The following NIPA2 variants were observed in gnomAD, a reference collection of about 807,000 sequenced individuals.
NIPA2 encodes the protein magnesium transporter NIPA2.
A neutral mutation model predicts 29.7 loss-of-function variants in NIPA2; 11 were observed. The observed-to-expected ratio is 0.37, with a 90% confidence interval of 0.23 to 0.61. The LOEUF (loss-of-function observed/expected upper bound fraction) is 0.61. Among genes scored for constraint, NIPA2 ranks in the 20% least tolerant of loss-of-function variants. The pLI, the probability that NIPA2 is intolerant of heterozygous loss-of-function variation, is 0.66. For missense variants in NIPA2, 426 were observed against 437.9 expected (o/e 0.97, Z 0.24); for synonymous variants, 183 against 161.9 (o/e 1.13, Z -0.99).
Position 22,866,962 on chromosome 15 carries a change from A to AAAG in NIPA2, c.*117_*119dup, listed in dbSNP as rs1202290474. On this transcript the variant is annotated 3_prime_UTR_variant, in exon 8 of 8. Coordinates refer to ENST00000337451, the MANE Select transcript of NIPA2 (RefSeq NM_030922.7). ...AATGTTCTTTAAAGGCAATCTTTTT[A>AAAG]AAGATTTCACTAATTTGGACCAAGA... 3.8e-6 allele frequency: 4 copies of AAAG among 1,051,380 alleles called. No homozygotes were observed. The highest frequency in any genetic ancestry group is 2.5e-5 in the East Asian group (1 of 40,704). The allele number at this position is 1,051,380 out of a possible 1,614,324, so 65.1% of individuals were successfully genotyped here. A position where few individuals can be genotyped will look rare whatever the true frequency, so the allele number is the denominator to read the frequency against.
rs1566839771 is a variant in NIPA2, at chr15:22,852,467, T to TGAAAAAAAA, written c.139+597_139+598insGAAAAAAAA. Among the ~76,000 whole-genome samples, 3 of 131,010 alleles carry TGAAAAAAAA rather than the reference T, an allele frequency of 2.3e-5. 1 individual carries two copies. In the East Asian group the frequency reaches 6.7e-4, roughly 29 times the overall value. 85.9% of individuals were successfully genotyped at this position (131,010 alleles called of 152,430 possible). A position where few individuals can be genotyped will look rare whatever the true frequency, so the allele number is the denominator to read the frequency against. On this transcript the variant is annotated intron_variant, in intron 4 of 7. Coordinates refer to ENST00000337451, the MANE Select transcript of NIPA2 (RefSeq NM_030922.7). Reference sequence around the variant, plus strand: ...CTGGGTGACAGAGTGAGACTCCGTCTAAAAAAAAAAAAAAGCCATGGTTAA... The same window carrying TGAAAAAAAA: ...CTGGGTGACAGAGTGAGACTCCGTCTGAAAAAAAAAAAAAAAAAAAAAAGCCATGGTTAA...
chr15:22,843,772 T>A (rs1159702584), intron 2 of NIPA2, among the ~76,000 whole-genome samples: 1 of 151,946 alleles, frequency 6.6e-6, no homozygotes, highest in Non-Finnish European at 1.5e-5. Flanking sequence ...TTCCTTAGCC[T>A]CACCAGTAGC....
At chr15:22,861,700 C>CT (rs2058632121) in intron 7 of NIPA2, among the ~76,000 whole-genome samples, 1 of 152,028 alleles carries the variant, frequency 6.6e-6, no homozygotes, top group East Asian at 1.9e-4. Context: ...ACTGACATGC[C>CT]TAGAGATGGG....
chr15:22,846,840 A>AATTATTATTATTATT (rs66795943), intron 3 of NIPA2, among the ~76,000 whole-genome samples: 6 of 134,994 alleles, frequency 4.4e-5, no homozygotes, highest in Non-Finnish European at 6.2e-5. Flanking sequence ...TAATAATAAT[A>AATTATTATTATTATT]ATTATTATTA....
At chr15:22,850,033 A>G (rs1595315044) in intron 3 of NIPA2, among the ~76,000 whole-genome samples, 3 of 152,144 alleles carry the variant, frequency 2.0e-5, no homozygotes, top group African/African-American at 7.2e-5. Flanking sequence ...TAATACAATG[A>G]GTCCCTGTGT....
intron 7 of NIPA2, among the ~76,000 whole-genome samples, chr15:22,865,447 C>CT (rs1489120725): frequency 6.6e-6 from 1 of 151,716 alleles, no homozygotes; most frequent in Non-Finnish European, 1.5e-5. Context: ...GATCGCACCA[C>CT]TGCACTCCAG....
chr15:22,859,799 A>G (rs1566859017), intron 6 of NIPA2, among the ~76,000 whole-genome samples: 1 of 152,136 alleles, frequency 6.6e-6, no homozygotes, highest in Non-Finnish European at 1.5e-5. Context: ...GTTATGGTAT[A>G]AGTCATTGCC....
At chr15:22,858,673 A>C (rs769647339) in intron 6 of NIPA2, 43 bp downstream of exon 6, 2 of 1,218,692 alleles carry the variant, frequency 1.6e-6, no homozygotes, top group South Asian at 2.9e-5. Flanking sequence ...TCGGTATCTT[A>C]GTTTCTAAAA....
chr15:22,852,968 C>G (rs1047189294), intron 4 of NIPA2, among the ~76,000 whole-genome samples: 3 of 152,134 alleles, frequency 2.0e-5, no homozygotes, highest in African/African-American at 7.2e-5. Context: ...ACTGCTTGTT[C>G]CCCTAGTCCC....
chr15:22,844,887 C>T (rs1436572482), intron 2 of NIPA2, among the ~76,000 whole-genome samples: 1 of 152,114 alleles, frequency 6.6e-6, no homozygotes, highest in Non-Finnish European at 1.5e-5. Flanking sequence ...TTCTCTTAGT[C>T]GTGGAGTCCT....
rs35358046 is a variant in NIPA2, at chr15:22,868,364, A to ATAAT, written c.*1518_*1521dup. 2 of 151,970 alleles carry ATAAT rather than the reference A, an allele frequency of 1.3e-5. No homozygotes were observed. The highest frequency in any genetic ancestry group is 2.9e-5 in the Non-Finnish European group (2 of 68,024). The allele number at this position is 151,970 out of a possible 1,614,324, so 9.4% of individuals were successfully genotyped here. On this transcript the variant is annotated 3_prime_UTR_variant, in exon 8 of 8. Coordinates refer to ENST00000337451, the MANE Select transcript of NIPA2 (RefSeq NM_030922.7). ...CATTTGAACATGCATAGGTTAATAA[A>ATAAT]TAATAAATTCTTATTTAACATTTTG... is the stretch of plus-strand genomic sequence containing the variant.
rs778635415 is a variant in NIPA2 at position 22,866,275 on chromosome 15, C to T, written c.511C>T (p.Pro171Ser). The T allele has an allele frequency of 6.2e-6, 10 of 1,613,796 alleles. No homozygotes were observed. The highest frequency in any genetic ancestry group is 1.6e-4 in the Middle Eastern group (1 of 6,062). The change falls in exon 8 of 8, where the codon CCT becomes TCT. Residue 171 changes from proline (P) to serine (S), a missense_variant. Around this residue, in one of 3 missense-constraint regions of NIPA2, gnomAD observed 357 missense variants for 339.8 expected, o/e 1.05. Transcript: ENST00000337451. ...CTTGATATTAATCTTCGTGGTGGGT[C>T]CTCGCCATGGACAGACAAACATTCT... ...VALILIFVVGPRHGQTNILVY... is the reference protein window; with the variant it reads ...VALILIFVVGSRHGQTNILVY...
chr15:22,840,296 T>G (rs1255161443), intron 2 of NIPA2, among the ~76,000 whole-genome samples: 2 of 143,502 alleles, frequency 1.4e-5, no homozygotes, highest in Non-Finnish European at 3.0e-5. Flanking sequence ...TATAGTTTTT[T>G]TTTTTGTTTT....
At chr15:22,848,806 C>CA (rs1433365944) in intron 3 of NIPA2, among the ~76,000 whole-genome samples, 7 of 108,390 alleles carry the variant, frequency 6.5e-5, no homozygotes, top group African/African-American at 2.6e-4. Context: ...GCCTGGGTGA[C>CA]AGAGCAAGAC....
chr15:22,853,368 A>C, intron 5 of NIPA2, 100 bp downstream of exon 5: 1 of 712,294 alleles, frequency 1.4e-6, no homozygotes, highest in East Asian at 2.8e-5. Flanking sequence ...TAAAGGTTTA[A>C]ATAATCTTTT....
At chr15:22,865,379 A>G (rs996138344) in intron 7 of NIPA2, among the ~76,000 whole-genome samples, 8 of 151,930 alleles carry the variant, frequency 5.3e-5, no homozygotes, top group African/African-American at 1.4e-4. Flanking sequence ...CCAGCTACTC[A>G]GGAGGCTGAG....
At chr15:22,850,437 A>G (rs530022926) in intron 3 of NIPA2, among the ~76,000 whole-genome samples, 2 of 152,334 alleles carry the variant, frequency 1.3e-5, no homozygotes, top group East Asian at 1.9e-4. Context: ...TAGTCTTCTC[A>G]TTGAATCATA....
Position 22,866,890 on chromosome 15 carries a change from A to T in NIPA2, c.*43A>T. The T allele has an allele frequency of 6.7e-7, 1 of 1,485,530 alleles. No individual in the cohort carries two copies. The allele number at this position is 1,485,530 out of a possible 1,614,324, so 92.0% of individuals were successfully genotyped here. A position where few individuals can be genotyped will look rare whatever the true frequency, so the allele number is the denominator to read the frequency against. On this transcript the variant is annotated 3_prime_UTR_variant, in exon 8 of 8. Transcript: ENST00000337451. ...GTTAATCTGTGATTGTTATGAAGTG[A>T]ATTTGAATATCATCAGAATGTGTCT...
At chr15:22,857,394 G>A (rs1183414501) in intron 5 of NIPA2, among the ~76,000 whole-genome samples, 3 of 150,044 alleles carry the variant, frequency 2.0e-5, no homozygotes, top group South Asian at 2.1e-4. Context: ...CCAAGATCAC[G>A]CACGCCATTG....
Sources: gnomAD v4.1 joint callset for allele counts (sites outside exome capture counted in the v4.1 genomes callset) on GRCh38, gnomAD v4.1.1 for gene constraint, gnomAD v4.1.1 regional missense constraint, MANE v1.5 for transcripts, NCBI Gene and HGNC (gene_info 2026-07-23, HGNC 2026-07-21) for gene names.